The following SIGIRR variants were observed in gnomAD, a reference collection of about 807,000 sequenced individuals.
SIGIRR encodes single Ig IL-1-related receptor.
A neutral mutation model predicts 45.6 loss-of-function variants in SIGIRR; 41 were observed. The observed-to-expected ratio is 0.90, with a 90% confidence interval of 0.70 to 1.17. The LOEUF (loss-of-function observed/expected upper bound fraction) is 1.17, where lower values mean the gene tolerates loss of function less well. SIGIRR is among the 50% of genes most tolerant of loss of function. The pLI is 0.00. For missense variants in SIGIRR, 599 were observed against 539.6 expected, an observed-to-expected ratio of 1.11 and a Z score of -1.09; for synonymous variants, 298 against 239.0, an observed-to-expected ratio of 1.25 and a Z score of -2.28.
At position 410,137 on chromosome 11, in the gene SIGIRR, T is replaced by C; in HGVS notation, c.-153-110A>G. 4 of 994,366 alleles carry C rather than the reference T, an allele frequency of 4.0e-6. No individual in the cohort carries two copies. The South Asian group carries it at 2.0e-4, about 49-fold the overall frequency. The allele number at this position is 994,366 out of a possible 1,614,324, so 61.6% of individuals were successfully genotyped here. ...CCAGATGCGACCCTGAGCAGCCGCATGGATGCTGGCAGAGTTCTCGGAGGC... is the reference window on the plus strand; with the variant it reads ...CCAGATGCGACCCTGAGCAGCCGCACGGATGCTGGCAGAGTTCTCGGAGGC... On this transcript the variant is annotated intron_variant, in intron 1 of 9. Coordinates refer to ENST00000431843, the MANE Select transcript of SIGIRR (RefSeq NM_001135054.2).
chr11:407,670 C>G, intron 5 of SIGIRR, 102 bp from the exon 6 acceptor site: 1 of 1,555,146 alleles, frequency 6.4e-7, no homozygotes, highest in Admixed American at 1.8e-5. Context: ...AGGGGCAGAC[C>G]CGCCCCGGAC....
Position 406,543 on chromosome 11 carries a change from G to C in SIGIRR, c.880-5C>G, listed in dbSNP as rs1156346749. 2.0e-5 allele frequency: 32 copies of C among 1,605,486 alleles called. No homozygotes were observed. The highest frequency in any genetic ancestry group is 2.6e-5 in the Non-Finnish European group (30 of 1,175,088). On this transcript the variant is annotated splice_polypyrimidine_tract_variant and splice_region_variant and intron_variant, in intron 8 of 9. Transcript: ENST00000431843. ...CCAAAAATCGGAGGAAGGAGTCTGG[G>C]GGCCAGGTCGGGGCGGTTTGCAGGT...
chr11:408,242 G>A (rs746429949), intron 3 of SIGIRR, 36 bp from the exon 4 acceptor site: 27 of 1,607,832 alleles, frequency 1.7e-5, no homozygotes, highest in Non-Finnish European at 2.1e-5. Context: ...GTCGACTGGG[G>A]ATACCAGTGG....
At chr11:415,207 C>CGTGTGTGTGTGT (rs71022908), upstream of SIGIRR, among the ~76,000 whole-genome samples, 16 of 144,580 alleles carry the variant, frequency 1.1e-4, no homozygotes, top group Admixed American at 4.8e-4. This position sits in a 1 kb window ranked among gnomAD's most constrained non-coding sequence, Gnocchi z 6.6. Flanking sequence ...CTCTGTGCAG[C>CGTGTGTGTGTGT]GTGTGTGTGT....
In SIGIRR at chr11:408,108, T is replaced by G. The variant is rs752468430; in HGVS notation, c.305A>C (p.Asn102Thr). 3 of 1,612,812 alleles carry G rather than the reference T, an allele frequency of 1.9e-6. No homozygotes were observed. Among genetic ancestry groups the G allele is most frequent in the Admixed American group, 1.7e-5 (1 of 60,028 alleles). ...AAGAGTGAAGGAGGAGAAGCTGATG[T>G]TCTGGATGGAGCAGGTGAAGGCCCC... ...VYGAFTCSIQ[N>T]ISFSSFTLQR... is the part of the protein sequence containing the mutation. The change falls in exon 4 of 10, where the codon AAC becomes ACC. Residue 102 changes from asparagine to threonine, a missense_variant. Transcript: ENST00000431843.
intron 2 of SIGIRR, 143 bp from the exon 3 acceptor site, chr11:409,036 A>C (rs1304426288): frequency 1.3e-6 from 1 of 746,068 alleles, no homozygotes; most frequent in Admixed American, 2.1e-5. Context: ...CCATGGGGAC[A>C]GGCTTAGCAC....
chr11:414,311 C>A (rs1451152750), intron 1 of SIGIRR, among the ~76,000 whole-genome samples: 1 of 132,304 alleles, frequency 7.6e-6, no homozygotes, highest in African/African-American at 2.9e-5. Flanking sequence ...TCCCCTGCAC[C>A]CTCTCCCCTC....
In SIGIRR at chr11:407,899, C is replaced by G. The variant is rs1368313714; in HGVS notation, c.399G>C (p.Leu133=). The change falls in exon 5 of 10, where the codon CTG becomes CTC. Residue 133 remains leucine, a synonymous_variant. Transcript: ENST00000431843. ...ACTTGACATAGAGCAGGGCGGCCAG[C>G]AGCAGGGCCAGCAGGACCAGGAGGG... The part of the protein sequence containing the change: ...LASLLVLLAL[L]LAALLYVKCR... 6.2e-7 allele frequency: 1 copy of G among 1,612,174 alleles called. No individual in the cohort carries two copies. The highest frequency in any genetic ancestry group is 8.5e-7 in the Non-Finnish European group (1 of 1,179,722).
In SIGIRR at chr11:406,286, C is replaced by T. The variant is rs1430108206; in HGVS notation, c.1069+63G>A. Reference sequence around the variant, plus strand: ...GCCCCTCCAGGCCCTGTGCCCTGTGCCTGCCCCCACTCCGCCCTGTGCTGA... The same window carrying T: ...GCCCCTCCAGGCCCTGTGCCCTGTGTCTGCCCCCACTCCGCCCTGTGCTGA... On this transcript the variant is annotated intron_variant, in intron 9 of 9. Transcript: ENST00000431843. 4.4e-6 allele frequency: 7 copies of T among 1,574,058 alleles called. No homozygotes were observed. The East Asian group carries it at 7.1e-5, about 16-fold the overall frequency.
upstream of SIGIRR, among the ~76,000 whole-genome samples, chr11:415,304 TGTGTGTGTGC>T (rs1284635017): frequency 6.6e-6 from 1 of 150,738 alleles, no homozygotes; most frequent in African/African-American, 2.4e-5. The surrounding 1 kb of genome is among the most constrained non-coding windows in gnomAD (Gnocchi z 6.6). Context: ...TGCGTGCGTT[TGTGTGTGTGC>T]GTGTGTGTTG....
chr11:410,584 G>A (rs1464027449), intron 1 of SIGIRR, among the ~76,000 whole-genome samples: 2 of 117,152 alleles, frequency 1.7e-5, no homozygotes, highest in African/African-American at 3.3e-5. Flanking sequence ...GTCGGCGGGG[G>A]GCTTTGCTTA....
chr11:407,304 G>T (rs1847374722), intron 6 of SIGIRR, 121 bp downstream of exon 6: 7 of 811,868 alleles, frequency 8.6e-6, no homozygotes, highest in South Asian at 8.2e-5. Context: ...GCGGGGCCTC[G>T]GGTGGGCGGG....
intron 9 of SIGIRR, 117 bp downstream of exon 9, chr11:406,232 G>C (rs1240983242): frequency 3.2e-6 from 5 of 1,541,380 alleles, no homozygotes; most frequent in Middle Eastern, 3.4e-4. Flanking sequence ...AGGGGCTCCC[G>C]GTGCCGGGAA....
intron 9 of SIGIRR, 42 bp downstream of exon 9, chr11:406,307 G>A: frequency 6.2e-7 from 1 of 1,602,060 alleles, no homozygotes; most frequent in Non-Finnish European, 8.5e-7. Flanking sequence ...TCCGCCCTGT[G>A]CTGAGCTTCT....
At chr11:409,167 C>T in intron 2 of SIGIRR, 1 of 525,902 alleles carries the variant, frequency 1.9e-6, no homozygotes. Context: ...CCCCATCTGG[C>T]TGCTTGTCCA....
chr11:413,385 G>A (rs1191563466), intron 1 of SIGIRR, among the ~76,000 whole-genome samples: 1 of 151,964 alleles, frequency 6.6e-6, no homozygotes, highest in African/African-American at 2.4e-5. Flanking sequence ...CCTTGACCCA[G>A]GGGAACCACC....
At chr11:411,721 G>A (rs1364265744) in intron 1 of SIGIRR, among the ~76,000 whole-genome samples, 7 of 93,516 alleles carry the variant, frequency 7.5e-5, no homozygotes, top group African/African-American at 1.1e-4. Context: ...TCGGTGGGGG[G>A]GGGGGGTGCC....
chr11:414,764 G>T (rs1359807825), intron 1 of SIGIRR, 59 bp downstream of exon 1: 2 of 977,232 alleles, frequency 2.0e-6, no homozygotes, highest in Non-Finnish European at 2.4e-6. Context: ...GGCGCCGTGG[G>T]CCTCCTCTCA....
chr11:409,275 C>T (rs1485241361), intron 2 of SIGIRR: 4 of 399,928 alleles, frequency 1.0e-5, no homozygotes, highest in African/African-American at 2.1e-5. Flanking sequence ...CCGGGCACTG[C>T]ACCCCTCAGC....
Sources: gnomAD v4.1 joint callset for allele counts (sites outside exome capture counted in the v4.1 genomes callset) on GRCh38, gnomAD v4.1.1 for gene constraint, Gnocchi (gnomAD v3.1) non-coding constraint, MANE v1.5 for transcripts, NCBI Gene and HGNC (gene_info 2026-07-23, HGNC 2026-07-21) for gene names.